DYSF: variants seen among roughly 807,000 people sequenced by gnomAD.
The protein encoded by DYSF is dysferlin, also known as dystrophy-associated fer-1-like 1.
A neutral mutation model predicts 274.9 loss-of-function variants in DYSF; 212 were observed. That is an observed-to-expected ratio of 0.77 (90% confidence interval 0.69 to 0.86). The LOEUF is 0.86. Among genes scored for constraint, DYSF ranks in the 40% least tolerant of loss-of-function variants. The probability of loss-of-function intolerance (pLI) is 0.00; values close to 1 mark genes in which losing one functional copy is unlikely to be tolerated. For synonymous variants in DYSF, 1,091 were observed against 1,078.7 expected, an observed-to-expected ratio of 1.01 and a Z score of -0.22; for missense variants, 2,666 against 2,783.2, an observed-to-expected ratio of 0.96 and a Z score of 0.95.
intron 41 of DYSF, among the ~76,000 whole-genome samples, chr2:71,624,126 C>T (rs991645474): frequency 6.6e-6 from 1 of 152,106 alleles, no homozygotes; most frequent in African/African-American, 2.4e-5. Context: ...GATACAATGC[C>T]CTTCCTTTTT....
intron 29 of DYSF, among the ~76,000 whole-genome samples, chr2:71,573,305 G>A (rs1043304681): frequency 6.6e-6 from 1 of 152,202 alleles, no homozygotes; most frequent in Non-Finnish European, 1.5e-5. Context: ...GGCAAAGCCT[G>A]CCCAGGCTCA....
intron 1 of DYSF, among the ~76,000 whole-genome samples, chr2:71,455,385 G>A (rs2081017675): frequency 1.3e-5 from 2 of 152,192 alleles, no homozygotes; most frequent in Admixed American, 1.3e-4. Flanking sequence ...CCAAGAGTGG[G>A]GACCAAGGGG....
intron 30 of DYSF, among the ~76,000 whole-genome samples, chr2:71,586,050 T>A (rs2093056178): frequency 6.6e-6 from 1 of 151,986 alleles, no homozygotes; most frequent in Non-Finnish European, 1.5e-5. Context: ...GGTTTGGTAG[T>A]GTCCTGACTG....
chr2:71,538,069 A>G (rs1339172505), intron 16 of DYSF, among the ~76,000 whole-genome samples: 1 of 152,236 alleles, frequency 6.6e-6, no homozygotes, highest in African/African-American at 2.4e-5. Context: ...CCACGTCAGC[A>G]TATCTGGCCT....
At chr2:71,466,602 C>T, upstream of DYSF, 1 of 1,219,038 alleles carries the variant, frequency 8.2e-7, no homozygotes, top group South Asian at 3.7e-5. Flanking sequence ...CCTCCCCGCC[C>T]GCCGCGGGCA....
At chr2:71,571,728 C>T (rs140653515) in intron 29 of DYSF, among the ~76,000 whole-genome samples, 3,057 of 119,038 alleles carry the variant, frequency 0.026, 62 homozygotes, top group African/African-American at 0.064. Flanking sequence ...CAGATCACAC[C>T]CAGCACACAC....
At chr2:71,475,040 A>G (rs1240026865) in intron 1 of DYSF, among the ~76,000 whole-genome samples, 2 of 152,184 alleles carry the variant, frequency 1.3e-5, no homozygotes, top group Non-Finnish European at 2.9e-5. Flanking sequence ...AGCAAGGCCT[A>G]GAGGTTATGA....
chr2:71,579,358 T>A (rs1285956168), intron 30 of DYSF, among the ~76,000 whole-genome samples: 1 of 152,176 alleles, frequency 6.6e-6, no homozygotes, highest in African/African-American at 2.4e-5. Context: ...GTCGGCAACG[T>A]GTGCTCAGAG....
chr2:71,588,557 C>G (rs1261151060), intron 30 of DYSF: 5 of 152,238 alleles, frequency 3.3e-5, no homozygotes, highest in Non-Finnish European at 7.3e-5. Flanking sequence ...CAGAAGAATC[C>G]TGGGAACTGG....
chr2:71,629,444 G>T (rs1181287532), intron 41 of DYSF, among the ~76,000 whole-genome samples: 1 of 152,106 alleles, frequency 6.6e-6, no homozygotes, highest in Non-Finnish European at 1.5e-5. Context: ...GCTCTAGCTG[G>T]CTCTTGCTCA....
In DYSF at chr2:71,615,877, C is replaced by T. The variant is rs539436323; in HGVS notation, c.4464+2467C>T. Among the ~76,000 whole-genome samples, 8 of 152,322 alleles carry T rather than the reference C, an allele frequency of 5.3e-5. No individual in the cohort carries two copies. The highest frequency in any genetic ancestry group is 1.9e-4 in the African/African-American group (8 of 41,574). On this transcript the variant is annotated intron_variant, in intron 40 of 55. Transcript: ENST00000410020. This position sits in a 1 kb window ranked among gnomAD's most constrained non-coding sequence, Gnocchi z 4.9. ...CACCGGTGTTTCTCGGCAGCCTGTTCCATCCTCACAGTTGATGCAGCCCTG... is the reference window on the plus strand; with the variant it reads ...CACCGGTGTTTCTCGGCAGCCTGTTTCATCCTCACAGTTGATGCAGCCCTG...
At chr2:71,668,695 G>A in intron 48 of DYSF, 59 bp from the exon 49 acceptor site, 2 of 1,541,622 alleles carry the variant, frequency 1.3e-6, no homozygotes, top group Middle Eastern at 1.7e-4. Context: ...CAGAGCAGGT[G>A]CTTGGTAACA....
chr2:71,487,350 TA>T (rs141341158), intron 3 of DYSF, among the ~76,000 whole-genome samples: 164 of 149,944 alleles, frequency 1.1e-3, no homozygotes, highest in African/African-American at 3.3e-3. Flanking sequence ...CCTGGGAGCT[TA>T]AAAAAAAAAT....
chr2:71,611,058 G>A, intron 36 of DYSF, 187 bp from the exon 37 acceptor site: 1 of 645,160 alleles, frequency 1.5e-6, no homozygotes, highest in Admixed American at 2.1e-5. Context: ...TCCTGGAGAA[G>A]ATGATGCCTG....
chr2:71,513,959 C>T, intron 7 of DYSF, 38 bp downstream of exon 7: 1 of 1,612,574 alleles, frequency 6.2e-7, no homozygotes, highest in Admixed American at 1.7e-5. Flanking sequence ...GGCTCCTCTT[C>T]AGCCATCAGC....
intron 24 of DYSF, among the ~76,000 whole-genome samples, chr2:71,566,110 G>C (rs1271113185): frequency 3.3e-5 from 5 of 151,942 alleles, no homozygotes; most frequent in Non-Finnish European, 1.5e-5. Context: ...CCTAACCTCT[G>C]AGAGTCTACC....
intron 32 of DYSF, among the ~76,000 whole-genome samples, chr2:71,592,542 G>A (rs939155497): frequency 1.3e-5 from 2 of 152,246 alleles, no homozygotes; most frequent in Admixed American, 6.5e-5. Context: ...ACCCTGGGGC[G>A]GCTGGCGGCC....
chr2:71,551,542 T>A, intron 18 of DYSF, 65 bp from the exon 19 acceptor site: 1 of 1,380,192 alleles, frequency 7.2e-7, no homozygotes. Flanking sequence ...GGCCAGAGGG[T>A]GCCCCTTTCC....
At position 71,570,352 on chromosome 2, in the gene DYSF, C is replaced by A. The variant is rs2092346518; in HGVS notation, c.3085+18C>A. 1 of 1,610,710 alleles carries A rather than the reference C, an allele frequency of 6.2e-7. No homozygotes were observed. Among genetic ancestry groups the A allele is most frequent in the Non-Finnish European group, 8.5e-7 (1 of 1,177,152 alleles). On this transcript the variant is annotated intron_variant, in intron 28 of 55. Coordinates refer to ENST00000410020, the MANE Select transcript of DYSF (RefSeq NM_001130987.2). ...TGAGCAAGGTGGGCAGCATGTGGAA[C>A]CTGGCGAGCCCCATCCCCGGCAAGC...
Sources: allele counts gnomAD v4.1 joint callset (sites outside exome capture counted in the v4.1 genomes callset), GRCh38; gene constraint gnomAD v4.1.1; non-coding constraint Gnocchi (gnomAD v3.1); transcripts MANE v1.5; gene names NCBI Gene and HGNC (gene_info 2026-07-23, HGNC 2026-07-21).